IMMP2L: variants seen among roughly 807,000 people sequenced by gnomAD.
IMMP2L encodes inner mitochondrial membrane peptidase subunit 2.
In IMMP2L, 18 loss-of-function variants were observed where a neutral mutation model predicts 19.3. The observed-to-expected ratio is 0.93, with a 90% confidence interval of 0.64 to 1.38. IMMP2L has a LOEUF of 1.38. Among genes scored for constraint, IMMP2L ranks in the 40% most tolerant of loss-of-function variants. The probability of loss-of-function intolerance (pLI) is 0.00; values close to 1 mark genes in which losing one functional copy is unlikely to be tolerated. For missense variants in IMMP2L, 233 were observed against 218.2 expected (o/e 1.07, Z -0.43); for synonymous variants, 76 against 73.0 (o/e 1.04, Z -0.21).
chr7:111,176,050 G>A (rs1322667675), intron 3 of IMMP2L, among the ~76,000 whole-genome samples: 1 of 151,948 alleles, frequency 6.6e-6, no homozygotes, highest in Non-Finnish European at 1.5e-5. Flanking sequence ...ACAGAGAAAT[G>A]CAAAGCGAAA....
At chr7:110,882,325 CT>C (rs1554445716) in intron 5 of IMMP2L, among the ~76,000 whole-genome samples, 1 of 105,678 alleles carries the variant, frequency 9.5e-6, no homozygotes, top group African/African-American at 2.8e-5. Context: ...TCCTTCCTTC[CT>C]TCCTTCCTTC....
chr7:111,278,780 A>C (rs934603703), intron 3 of IMMP2L, among the ~76,000 whole-genome samples: 6 of 152,190 alleles, frequency 3.9e-5, no homozygotes, highest in African/African-American at 1.2e-4. Flanking sequence ...TACACAAGTA[A>C]TCTAGTTTTC....
chr7:111,516,515 A>G (rs1845881750), intron 2 of IMMP2L, among the ~76,000 whole-genome samples: 1 of 152,162 alleles, frequency 6.6e-6, no homozygotes, highest in South Asian at 2.1e-4. Context: ...TAAATTTACA[A>G]CAAGTTTTTA....
intron 4 of IMMP2L, among the ~76,000 whole-genome samples, chr7:110,947,440 G>C (rs746485145): frequency 2.6e-5 from 4 of 152,266 alleles, no homozygotes; most frequent in Non-Finnish European, 5.9e-5. Flanking sequence ...ATTAGATTTA[G>C]AATTCAGGCT....
chr7:111,403,346 G>C (rs951864907), intron 3 of IMMP2L, among the ~76,000 whole-genome samples: 3 of 151,746 alleles, frequency 2.0e-5, no homozygotes, highest in African/African-American at 7.3e-5. Flanking sequence ...GGCATTTCCA[G>C]CCATGTAGAA....
At chr7:111,166,173 G>A (rs950550361) in intron 3 of IMMP2L, among the ~76,000 whole-genome samples, 1 of 151,984 alleles carries the variant, frequency 6.6e-6, no homozygotes, top group African/African-American at 2.4e-5. Flanking sequence ...AGAAATTGAT[G>A]CTTAGATGGG....
intron 3 of IMMP2L, among the ~76,000 whole-genome samples, chr7:111,387,975 T>TAAAAAAAAAAAAAAAAA (rs750267136): frequency 1.1e-5 from 1 of 93,420 alleles, no homozygotes; most frequent in Admixed American, 1.2e-4. Flanking sequence ...ACTCTGTCTT[T>TAAAAAAAAAAAAAAAAA]AAAAAAAAAA....
chr7:110,692,357 G>C (rs57400068), intron 5 of IMMP2L, among the ~76,000 whole-genome samples: 1 of 152,064 alleles, frequency 6.6e-6, no homozygotes, highest in African/African-American at 2.4e-5. Context: ...GAATAAATGG[G>C]AGGAGGGTGA....
chr7:111,530,530 C>T (rs1847290974), intron 1 of IMMP2L, among the ~76,000 whole-genome samples: 1 of 152,068 alleles, frequency 6.6e-6, no homozygotes, highest in African/African-American at 2.4e-5. Context: ...GTATTCAGCA[C>T]TGTCTTAGGT....
At chr7:110,971,553 G>A (rs904133590) in intron 3 of IMMP2L, among the ~76,000 whole-genome samples, 3 of 152,008 alleles carry the variant, frequency 2.0e-5, no homozygotes, top group Non-Finnish European at 4.4e-5. Context: ...ATAAACTTCT[G>A]GAGCTTAGAT....
chr7:111,324,540 C>T (rs1268612945), intron 3 of IMMP2L, among the ~76,000 whole-genome samples: 1 of 151,790 alleles, frequency 6.6e-6, no homozygotes, highest in African/African-American at 2.4e-5. Flanking sequence ...TGCTATAAAA[C>T]ATGAAGGCAT....
At chr7:111,206,782 T>A (rs1238202593) in intron 3 of IMMP2L, among the ~76,000 whole-genome samples, 3 of 152,140 alleles carry the variant, frequency 2.0e-5, no homozygotes, top group African/African-American at 4.8e-5. Context: ...AATATATACT[T>A]AGAAGCTTAT....
intron 3 of IMMP2L, among the ~76,000 whole-genome samples, chr7:111,437,713 C>T (rs1031524175): frequency 6.6e-6 from 1 of 151,742 alleles, no homozygotes; most frequent in African/African-American, 2.4e-5. Context: ...CTGATATATT[C>T]CTATCTTATT....
intron 3 of IMMP2L, chr7:111,124,702 T>C (rs755577620): frequency 4.3e-6 from 7 of 1,613,918 alleles, no homozygotes; most frequent in Non-Finnish European, 5.9e-6. Flanking sequence ...TGGTGTGATA[T>C]GTCTTATCAG....
At chr7:111,428,833 G>A (rs1456848955) in intron 3 of IMMP2L, among the ~76,000 whole-genome samples, 2 of 151,776 alleles carry the variant, frequency 1.3e-5, no homozygotes, top group Non-Finnish European at 2.9e-5. Flanking sequence ...CATCTCCATA[G>A]TTGCCGTGAA....
At chr7:111,367,692 A>T (rs1829906461) in intron 3 of IMMP2L, among the ~76,000 whole-genome samples, 1 of 151,970 alleles carries the variant, frequency 6.6e-6, no homozygotes, top group Non-Finnish European at 1.5e-5. Context: ...AAGGTTAAGT[A>T]ACCTGTCCAA....
intron 3 of IMMP2L, among the ~76,000 whole-genome samples, chr7:111,249,855 A>G (rs1469445932): frequency 6.6e-6 from 1 of 152,194 alleles, no homozygotes; most frequent in Non-Finnish European, 1.5e-5. Context: ...CAAGACAAGG[A>G]TGACCTCTTT....
chr7:111,539,196 G>GAAGGAAGGAGAAAGAA (rs1848235484), intron 1 of IMMP2L, among the ~76,000 whole-genome samples: 4 of 30,052 alleles, frequency 1.3e-4, no homozygotes, highest in African/African-American at 3.3e-4. Flanking sequence ...AGGAAGGAGG[G>GAAGGAAGGAGAAAGAA]AGAAAGAAAG....
intron 3 of IMMP2L, among the ~76,000 whole-genome samples, chr7:110,997,140 T>C (rs1332148868): frequency 6.6e-6 from 1 of 152,104 alleles, no homozygotes; most frequent in African/African-American, 2.4e-5. Flanking sequence ...ATTTCAAGAA[T>C]GTGATATCAT....
Sources: gnomAD v4.1 joint callset for allele counts (sites outside exome capture counted in the v4.1 genomes callset) on GRCh38, gnomAD v4.1.1 for gene constraint, MANE v1.5 for transcripts, NCBI Gene and HGNC (gene_info 2026-07-23, HGNC 2026-07-21) for gene names.